PYGO1: variants seen among roughly 807,000 people sequenced by gnomAD.
PYGO1 encodes pygopus homolog 1.
A neutral mutation model predicts 29.5 loss-of-function variants in PYGO1; 6 were observed. The observed-to-expected ratio is 0.20, with a 90% CI of 0.11 to 0.40. The LOEUF (loss-of-function observed/expected upper bound fraction) is 0.40, where lower values mean the gene tolerates loss of function less well. Among genes scored for constraint, PYGO1 ranks in the 10% least tolerant of loss-of-function variants. PYGO1 has a pLI of 1.00. For synonymous variants in PYGO1, 186 were observed against 180.5 expected (o/e 1.03, Z -0.24); for missense variants, 515 against 514.9 (o/e 1.00, Z 0.00).
rs1484166301 is a variant in PYGO1 at position 55,544,391 on chromosome 15, T to C, written c.*1632A>G. On this transcript the variant is annotated 3_prime_UTR_variant, in exon 3 of 3. Coordinates refer to ENST00000563719, the MANE Select transcript of PYGO1 (RefSeq NM_001367806.1). ...GAATGCATTGTTTCTTAGAAAAAGC[T>C]CCAAATGATAGACAGTAGTCCATGG... is the stretch of plus-strand genomic sequence containing the variant. The C allele has an allele frequency of 6.6e-6, 1 of 152,106 alleles. No homozygotes were observed. Among genetic ancestry groups the C allele is most frequent in the African/African-American group, 2.4e-5 (1 of 41,402 alleles). The allele number at this position is 152,106 out of a possible 1,614,324, so 9.4% of individuals were successfully genotyped here.
At chr15:55,575,744 C>A (rs2058998604) in intron 1 of PYGO1, among the ~76,000 whole-genome samples, 2 of 152,170 alleles carry the variant, frequency 1.3e-5, no homozygotes, top group African/African-American at 4.8e-5. Flanking sequence ...CAGAAACAGA[C>A]TTCTGCACTC....
intron 1 of PYGO1, among the ~76,000 whole-genome samples, chr15:55,564,233 G>C (rs114278833): frequency 6.6e-6 from 1 of 152,282 alleles, no homozygotes; most frequent in African/African-American, 2.4e-5. Context: ...ACATTACTCA[G>C]CCATAAAAAG....
chr15:55,579,081 G>A (rs913192466), intron 1 of PYGO1, among the ~76,000 whole-genome samples: 5 of 152,156 alleles, frequency 3.3e-5, no homozygotes, highest in Admixed American at 6.5e-5. Flanking sequence ...TTGACAGTAA[G>A]AGCCAGTGCT....
At position 55,587,870 on chromosome 15, in the gene PYGO1, T is replaced by C. The variant is rs1400617597; in HGVS notation, c.14A>G (p.Gln5Arg). 1 of 1,496,106 alleles carries C rather than the reference T, an allele frequency of 6.7e-7. No homozygotes were observed. The highest frequency in any genetic ancestry group is 8.9e-7 in the Non-Finnish European group (1 of 1,125,676). The allele number at this position is 1,496,106 out of a possible 1,614,324, so 92.7% of individuals were successfully genotyped here. The part of the protein sequence containing the change: MSAE[Q>R]EKDPISLKRV... ...CTTCAGCGAAATGGGATCCTTCTCC[T>C]GTTCTGCTGACATTACAGACCGCAA... The change falls in exon 1 of 3, where the codon CAG becomes CGG. Residue 5 changes from glutamine (Q) to arginine (R), a missense_variant. Physicochemically the swap from Gln to Arg is conservative, Grantham distance 43. Coordinates refer to ENST00000563719, the MANE Select transcript of PYGO1 (RefSeq NM_001367806.1).
chr15:55,549,679 T>C (rs1392804528), intron 1 of PYGO1, among the ~76,000 whole-genome samples: 1 of 152,186 alleles, frequency 6.6e-6, no homozygotes, highest in East Asian at 1.9e-4. Context: ...ATGTTAAAAA[T>C]GCAACAATGT....
At chr15:55,577,675 A>C (rs2059008944) in intron 1 of PYGO1, among the ~76,000 whole-genome samples, 2 of 151,752 alleles carry the variant, frequency 1.3e-5, no homozygotes, top group African/African-American at 4.8e-5. Flanking sequence ...TTACCATCTA[A>C]TTCCTGAACA....
At chr15:55,558,085 A>G (rs972993146) in intron 1 of PYGO1, among the ~76,000 whole-genome samples, 1 of 152,236 alleles carries the variant, frequency 6.6e-6, no homozygotes, top group Admixed American at 6.5e-5. Flanking sequence ...ACATGATTGT[A>G]TAGTTAGAAC....
chr15:55,583,707 TATG>T (rs879708512), intron 1 of PYGO1, among the ~76,000 whole-genome samples: 24 of 152,206 alleles, frequency 1.6e-4, no homozygotes, highest in Non-Finnish European at 3.1e-4. Context: ...GGGTTCTCCA[TATG>T]TTGCCCAGGC....
intron 1 of PYGO1, 61 bp from the exon 2 acceptor site, chr15:55,549,056 A>C: frequency 3.6e-4 from 449 of 1,262,166 alleles, no homozygotes; most frequent in Non-Finnish European, 4.6e-4. Flanking sequence ...TTTATATCTC[A>C]TAGTAATATC....
intron 1 of PYGO1, among the ~76,000 whole-genome samples, chr15:55,583,241 A>G (rs1030823190): frequency 2.0e-5 from 3 of 152,090 alleles, no homozygotes; most frequent in Admixed American, 6.5e-5. Context: ...CACATGGTCT[A>G]TATTTTTTAA....
intron 1 of PYGO1, among the ~76,000 whole-genome samples, chr15:55,585,117 T>C (rs2141681090): frequency 6.6e-6 from 1 of 152,354 alleles, no homozygotes; most frequent in African/African-American, 2.4e-5. Context: ...AGTTTTGCCA[T>C]ATCTGAGTTC....
chr15:55,568,202 C>T (rs1462516266), intron 1 of PYGO1, among the ~76,000 whole-genome samples: 1 of 152,104 alleles, frequency 6.6e-6, no homozygotes, highest in East Asian at 1.9e-4. Flanking sequence ...TCCTTCAATT[C>T]ATGAGCATAG....
Position 55,546,188 on chromosome 15 carries a change from T to C in PYGO1, c.1095A>G (p.Lys365=), listed in dbSNP as rs138742848. The change falls in exon 3 of 3, where the codon AAA becomes AAG. Residue 365 remains lysine (K), a synonymous_variant. Coordinates refer to ENST00000563719, the MANE Select transcript of PYGO1 (RefSeq NM_001367806.1). ...DAILCEASCQ[K]WFHRICTGMT... is the part of the protein sequence containing the mutation. ...TTCCAGTACAGATCCGATGAAACCA[T>C]TTCTGACAAGAGGCCTCACATAAGA... is the stretch of plus-strand genomic sequence containing the variant. The C allele has an allele frequency of 1.4e-3, 2,201 of 1,614,210 alleles. 27 individuals carry two copies. The South Asian group carries it at 0.015, about 11-fold the overall frequency.
chr15:55,557,033 C>A (rs959522751), intron 1 of PYGO1, among the ~76,000 whole-genome samples: 2 of 151,856 alleles, frequency 1.3e-5, no homozygotes, highest in Non-Finnish European at 2.9e-5. Context: ...CAGGACCAGA[C>A]AGATTTACAG....
chr15:55,570,367 T>G (rs2058975258), intron 1 of PYGO1, among the ~76,000 whole-genome samples: 1 of 152,112 alleles, frequency 6.6e-6, no homozygotes, highest in South Asian at 2.1e-4. Context: ...TTAAGAAAAA[T>G]TTTTTCAAAT....
intron 1 of PYGO1, 125 bp from the exon 2 acceptor site, chr15:55,549,120 T>G: frequency 3.2e-6 from 2 of 621,362 alleles, no homozygotes; most frequent in Non-Finnish European, 5.1e-6. Context: ...AGCAATACTT[T>G]TATTATCATT....
chr15:55,571,166 TTC>T (rs1265112751), intron 1 of PYGO1, among the ~76,000 whole-genome samples: 4 of 152,204 alleles, frequency 2.6e-5, no homozygotes, highest in African/African-American at 9.7e-5. Context: ...GTCCTCAAGG[TTC>T]TATAGCATGT....
At chr15:55,551,482 C>T (rs1041113592) in intron 1 of PYGO1, among the ~76,000 whole-genome samples, 3 of 152,074 alleles carry the variant, frequency 2.0e-5, no homozygotes, top group African/African-American at 7.2e-5. Context: ...AACCAAAAAA[C>T]CACAGACTAA....
At chr15:55,556,896 C>A (rs941621707) in intron 1 of PYGO1, among the ~76,000 whole-genome samples, 13 of 151,472 alleles carry the variant, frequency 8.6e-5, no homozygotes, top group African/African-American at 1.7e-4. Flanking sequence ...AAAAAAAAAA[C>A]TGGAACAAAT....
Sources: allele counts gnomAD v4.1 joint callset (sites outside exome capture counted in the v4.1 genomes callset), GRCh38; gene constraint gnomAD v4.1.1; transcripts MANE v1.5; gene names NCBI Gene and HGNC (gene_info 2026-07-23, HGNC 2026-07-21).